The following SERPINE2 variants were observed in gnomAD, a reference collection of about 807,000 sequenced individuals.
SERPINE2 encodes glia-derived nexin.
Under a neutral mutation model 36.3 loss-of-function variants are expected in SERPINE2, and 14 were observed. The observed-to-expected ratio is 0.39, with a 90% CI of 0.25 to 0.60. The LOEUF (loss-of-function observed/expected upper bound fraction) is 0.60, where lower values mean the gene tolerates loss of function less well. Ranked by LOEUF, SERPINE2 falls within the 20% of genes least tolerant of loss-of-function variation. SERPINE2 has a pLI of 0.57. For synonymous variants in SERPINE2, 192 were observed against 191.8 expected (o/e 1.00, Z -0.01); for missense variants, 418 against 499.6 (o/e 0.84, Z 1.56).
intron 1 of SERPINE2, among the ~76,000 whole-genome samples, chr2:224,035,885 T>C (rs865749): frequency 0.64 from 97,768 of 151,964 alleles, 31,691 homozygotes; most frequent in South Asian, 0.71. Context: ...TTTCACAGCA[T>C]GAAGAAGCAA....
At chr2:223,993,058 G>A (rs1164772043) in intron 3 of SERPINE2, among the ~76,000 whole-genome samples, 8 of 152,130 alleles carry the variant, frequency 5.3e-5, no homozygotes, top group African/African-American at 1.9e-4. Flanking sequence ...CCAGGAGTTC[G>A]AGGCTGTGTT....
At chr2:224,011,234 G>C (rs1691614783) in intron 1 of SERPINE2, among the ~76,000 whole-genome samples, 1 of 152,178 alleles carries the variant, frequency 6.6e-6, no homozygotes, top group South Asian at 2.1e-4. Context: ...GGTGACCCAA[G>C]ACATTATAGT....
intron 6 of SERPINE2, chr2:223,981,769 T>C (rs1183705521): frequency 6.6e-6 from 1 of 152,242 alleles, no homozygotes; most frequent in Non-Finnish European, 1.5e-5. Flanking sequence ...GTACATATAC[T>C]GCTGGCAAAT....
intron 3 of SERPINE2, among the ~76,000 whole-genome samples, chr2:223,996,938 A>T (rs1559203477): frequency 1.3e-5 from 2 of 152,122 alleles, no homozygotes; most frequent in African/African-American, 4.8e-5. Flanking sequence ...TTAGCCAGGC[A>T]TGGTGGCGCA....
intron 1 of SERPINE2, among the ~76,000 whole-genome samples, chr2:224,005,487 T>C (rs962594399): frequency 6.6e-6 from 1 of 152,200 alleles, no homozygotes; most frequent in Non-Finnish European, 1.5e-5. Flanking sequence ...TATACGTGTC[T>C]AAGAATAAGC....
At chr2:224,031,475 G>A in intron 1 of SERPINE2, 1 of 985,482 alleles carries the variant, frequency 1.0e-6, no homozygotes, top group Non-Finnish European at 1.2e-6. Flanking sequence ...CCTAACCAAG[G>A]ATTGACCATG....
At chr2:224,014,900 C>T (rs1468692679) in intron 1 of SERPINE2, among the ~76,000 whole-genome samples, 1 of 152,246 alleles carries the variant, frequency 6.6e-6, no homozygotes, top group East Asian at 1.9e-4. Flanking sequence ...GGTACCTGCC[C>T]TCCCACCTCT....
intron 1 of SERPINE2, among the ~76,000 whole-genome samples, chr2:224,011,042 G>C (rs1691608581): frequency 1.3e-5 from 2 of 152,198 alleles, no homozygotes; most frequent in Middle Eastern, 3.2e-3. Context: ...TGTGGGAATG[G>C]AGGGGGAGGG....
chr2:223,996,837 G>C (rs1690907870), intron 3 of SERPINE2, among the ~76,000 whole-genome samples: 1 of 152,208 alleles, frequency 6.6e-6, no homozygotes, highest in African/African-American at 2.4e-5. Flanking sequence ...AGCACTCTGG[G>C]AGGCTGAGGC....
intron 3 of SERPINE2, among the ~76,000 whole-genome samples, chr2:223,992,344 T>TCTC (rs1690708629): frequency 6.6e-6 from 1 of 151,778 alleles, no homozygotes; most frequent in Admixed American, 6.6e-5. Flanking sequence ...TAATGAATTA[T>TCTC]TTCTTCTTCT....
intron 3 of SERPINE2, among the ~76,000 whole-genome samples, chr2:223,994,445 T>A (rs1690798798): frequency 6.6e-6 from 1 of 152,202 alleles, no homozygotes; most frequent in Non-Finnish European, 1.5e-5. Flanking sequence ...CTGCCATCAG[T>A]AACTGCCACA....
chr2:224,031,238 A>G, intron 1 of SERPINE2: 3 of 956,118 alleles, frequency 3.1e-6, no homozygotes, highest in Non-Finnish European at 3.7e-6. Context: ...AGGGTGTGCC[A>G]CTTTGGCATA....
intron 1 of SERPINE2, among the ~76,000 whole-genome samples, chr2:224,027,308 G>A (rs1692219118): frequency 6.6e-6 from 1 of 152,200 alleles, no homozygotes; most frequent in Non-Finnish European, 1.5e-5. Flanking sequence ...CTCACGTGGT[G>A]AGGCAATGCA....
intron 3 of SERPINE2, among the ~76,000 whole-genome samples, chr2:223,994,289 T>C (rs932990326): frequency 6.6e-6 from 1 of 152,228 alleles, no homozygotes; most frequent in Admixed American, 6.5e-5. Context: ...CAGTGCTCAA[T>C]AACTGTCTGT....
chr2:224,001,342 C>A (rs776174839), intron 2 of SERPINE2, among the ~76,000 whole-genome samples: 1 of 152,160 alleles, frequency 6.6e-6, no homozygotes, highest in Admixed American at 6.5e-5. Context: ...GCCATGGAGG[C>A]GGTAAGCCAG....
chr2:223,985,721 C>T (rs1486446154), intron 4 of SERPINE2, among the ~76,000 whole-genome samples: 2 of 152,208 alleles, frequency 1.3e-5, no homozygotes, highest in Non-Finnish European at 2.9e-5. Flanking sequence ...AAAGGATGCA[C>T]GGCTAAGAAG....
At chr2:223,986,846 G>C (rs1354916759) in intron 4 of SERPINE2, among the ~76,000 whole-genome samples, 1 of 152,058 alleles carries the variant, frequency 6.6e-6, no homozygotes, top group African/African-American at 2.4e-5. Flanking sequence ...CTTGATGACT[G>C]ATTTCCCCCC....
At chr2:223,978,002 T>C (rs1051330825) in intron 7 of SERPINE2, 1 of 168,422 alleles carries the variant, frequency 5.9e-6, no homozygotes, top group African/African-American at 2.4e-5. Flanking sequence ...AGCTATTTTT[T>C]ATTCACACCA....
chr2:224,028,515 A>G (rs1282773424), intron 1 of SERPINE2, among the ~76,000 whole-genome samples: 1 of 152,192 alleles, frequency 6.6e-6, no homozygotes, highest in African/African-American at 2.4e-5. Flanking sequence ...CTTAGCCTCA[A>G]TCATTCCTGA....
Sources: gnomAD v4.1 joint callset for allele counts (sites outside exome capture counted in the v4.1 genomes callset) on GRCh38, gnomAD v4.1.1 for gene constraint, MANE v1.5 for transcripts, NCBI Gene and HGNC (gene_info 2026-07-23, HGNC 2026-07-21) for gene names.